RELCH: variants seen among roughly 807,000 people sequenced by gnomAD.
RELCH encodes RAB11 binding and LisH domain, coiled-coil and HEAT repeat containing, also known as RAB11-binding protein RELCH.
RELCH carries 41 observed loss-of-function variants against 150.3 expected under a neutral mutation model. That is an observed-to-expected ratio of 0.27 (90% CI 0.21 to 0.35). RELCH has a LOEUF of 0.35. RELCH is among the 10% of genes least tolerant of loss of function. The pLI is 1.00. For missense variants in RELCH, 1,092 were observed against 1,467.8 expected (o/e 0.74, Z 4.18); for synonymous variants, 478 against 531.8 (o/e 0.90, Z 1.39).
intron 25 of RELCH, among the ~76,000 whole-genome samples, chr18:62,283,035 T>C (rs926677158): frequency 1.3e-5 from 2 of 152,166 alleles, no homozygotes; most frequent in Non-Finnish European, 2.9e-5. Context: ...ATATGAAGAG[T>C]AACTCAAACT....
At chr18:62,263,216 C>A (rs1316780249) in intron 16 of RELCH, among the ~76,000 whole-genome samples, 1 of 151,992 alleles carries the variant, frequency 6.6e-6, no homozygotes, top group Non-Finnish European at 1.5e-5. Flanking sequence ...GGGGGCAGTT[C>A]AACTCATAAT....
chr18:62,228,672 T>G (rs543975948), intron 8 of RELCH, 74 bp downstream of exon 8: 1 of 1,217,172 alleles, frequency 8.2e-7, no homozygotes, highest in Non-Finnish European at 1.1e-6. Flanking sequence ...GAGCTACTGT[T>G]TTTATTTAAA....
intron 22 of RELCH, among the ~76,000 whole-genome samples, chr18:62,277,288 A>G (rs1228168140): frequency 6.6e-6 from 1 of 152,120 alleles, no homozygotes; most frequent in East Asian, 1.9e-4. Context: ...AGCAGTTTTC[A>G]GTGTCCTCTC....
intron 20 of RELCH, among the ~76,000 whole-genome samples, chr18:62,271,290 G>C (rs2043887639): frequency 6.6e-6 from 1 of 152,160 alleles, no homozygotes; most frequent in South Asian, 2.1e-4. Context: ...CATTCTAACT[G>C]GTGTGAGATG....
chr18:62,240,710 A>G (rs929514785), intron 10 of RELCH, among the ~76,000 whole-genome samples: 1 of 152,128 alleles, frequency 6.6e-6, no homozygotes, highest in Non-Finnish European at 1.5e-5. Flanking sequence ...TTTTCTCTTT[A>G]ATGATCATAG....
At chr18:62,224,425 G>A (rs1044754175) in intron 5 of RELCH, among the ~76,000 whole-genome samples, 10 of 152,024 alleles carry the variant, frequency 6.6e-5, no homozygotes, top group Non-Finnish European at 2.9e-5. Flanking sequence ...TCTAGCTAGT[G>A]CAATAAGGCA....
intron 1 of RELCH, among the ~76,000 whole-genome samples, chr18:62,205,850 C>G (rs1212823717): frequency 6.6e-6 from 1 of 151,552 alleles, no homozygotes; most frequent in African/African-American, 2.4e-5. Flanking sequence ...CATGGCAAGA[C>G]CCTGTCTCCA....
At chr18:62,230,086 A>G (rs766757040) in intron 8 of RELCH, among the ~76,000 whole-genome samples, 1 of 152,046 alleles carries the variant, frequency 6.6e-6, no homozygotes, top group Non-Finnish European at 1.5e-5. Flanking sequence ...CTATATTCAG[A>G]CATTGGTAAT....
chr18:62,201,613 A>T (rs1314627477), intron 1 of RELCH, among the ~76,000 whole-genome samples: 1 of 152,190 alleles, frequency 6.6e-6, no homozygotes, highest in African/African-American at 2.4e-5. Flanking sequence ...AAAGAGAAAT[A>T]TGTAGTGAAA....
At chr18:62,280,095 G>A (rs2044424366) in intron 23 of RELCH, among the ~76,000 whole-genome samples, 1 of 152,080 alleles carries the variant, frequency 6.6e-6, no homozygotes, top group East Asian at 1.9e-4. Context: ...AGTAACATTA[G>A]TGCTCAATAA....
chr18:62,240,967 C>G (rs1345681062), intron 10 of RELCH, among the ~76,000 whole-genome samples: 1 of 151,988 alleles, frequency 6.6e-6, no homozygotes, highest in Non-Finnish European at 1.5e-5. Context: ...GTAAGTCTGC[C>G]TTTCTTTATG....
chr18:62,252,512 A>C (rs1755575944), intron 11 of RELCH, 152 bp from the exon 12 acceptor site: 2 of 631,264 alleles, frequency 3.2e-6, no homozygotes, highest in Non-Finnish European at 5.4e-6. Context: ...GCCAGACTCT[A>C]TCTCAAAAAA....
At chr18:62,200,458 A>G (rs1289950410) in intron 1 of RELCH, among the ~76,000 whole-genome samples, 1 of 152,106 alleles carries the variant, frequency 6.6e-6, no homozygotes, top group East Asian at 1.9e-4. Context: ...TATTTTGGAC[A>G]TAGAGGTCAG....
At chr18:62,204,317 CT>C in intron 1 of RELCH, among the ~76,000 whole-genome samples, 1 of 151,622 alleles carries the variant, frequency 6.6e-6, no homozygotes, top group South Asian at 2.1e-4. Context: ...AATCCAGGAA[CT>C]TCATTTTATT....
intron 21 of RELCH, among the ~76,000 whole-genome samples, chr18:62,274,797 A>G (rs547667493): frequency 5.9e-5 from 9 of 152,392 alleles, no homozygotes; most frequent in African/African-American, 2.2e-4. Flanking sequence ...GCTATTAAAA[A>G]GAGTGGAATT....
Position 62,275,283 on chromosome 18 carries a change from T to G in RELCH, c.2868-91T>G, listed in dbSNP as rs2044137204. 5.0e-6 allele frequency: 3 copies of G among 605,946 alleles called. 1 individual carries two copies. The South Asian group carries it at 7.2e-5, about 15-fold the overall frequency. The allele number at this position is 605,946 out of a possible 1,614,324, so 37.5% of individuals were successfully genotyped here. A position where few individuals can be genotyped will look rare whatever the true frequency, so the allele number is the denominator to read the frequency against. Reference sequence around the variant, plus strand: ...ATATGTTCTGCAAATATTATTATCATTAATATTCCTTATAAATATCGTGTT... The same window carrying G: ...ATATGTTCTGCAAATATTATTATCAGTAATATTCCTTATAAATATCGTGTT... On this transcript the variant is annotated intron_variant, in intron 21 of 28. Transcript: ENST00000644646.
chr18:62,254,696 C>G (rs2036218800), intron 12 of RELCH: 1 of 151,952 alleles, frequency 6.6e-6, no homozygotes, highest in African/African-American at 2.4e-5. Flanking sequence ...TTTTAGGCAT[C>G]CAATACATTA....
chr18:62,257,859 G>C (rs1283048969), intron 13 of RELCH, 89 bp from the exon 14 acceptor site: 1 of 1,007,924 alleles, frequency 9.9e-7, no homozygotes, highest in African/African-American at 1.7e-5. Flanking sequence ...TGTTTAATCT[G>C]GATTTTGACC....
intron 17 of RELCH, 152 bp from the exon 18 acceptor site, chr18:62,264,577 T>A: frequency 1.6e-6 from 1 of 611,670 alleles, no homozygotes; most frequent in Non-Finnish European, 2.8e-6. Flanking sequence ...TATAATGTAA[T>A]CTTACAACCT....
Sources: gnomAD v4.1 joint callset for allele counts (sites outside exome capture counted in the v4.1 genomes callset) on GRCh38, gnomAD v4.1.1 for gene constraint, MANE v1.5 for transcripts, NCBI Gene and HGNC (gene_info 2026-07-23, HGNC 2026-07-21) for gene names.